KIF26B: variants seen among roughly 807,000 people sequenced by gnomAD.
The protein encoded by KIF26B is kinesin family member 26B, also known as kinesin-like protein KIF26B.
KIF26B carries 63 observed loss-of-function variants against 151.2 expected under a neutral mutation model. That is an observed-to-expected ratio of 0.42 (90% CI 0.34 to 0.51). The LOEUF is 0.51. Among genes scored for constraint, KIF26B ranks in the 20% least tolerant of loss-of-function variants. KIF26B has a pLI of 0.07. For missense variants in KIF26B, 2,813 were observed against 2,913.6 expected, an observed-to-expected ratio of 0.97 and a Z score of 0.79; for synonymous variants, 1,357 against 1,262.1, an observed-to-expected ratio of 1.08 and a Z score of -1.59.
At chr1:245,465,760 G>C (rs950524233) in intron 4 of KIF26B, among the ~76,000 whole-genome samples, 1 of 152,188 alleles carries the variant, frequency 6.6e-6, no homozygotes, top group Non-Finnish European at 1.5e-5. Flanking sequence ...CCAGCCGCTG[G>C]GGAGGCCTGA....
chr1:245,657,587 AGCTC>A (rs1258399280), intron 10 of KIF26B, among the ~76,000 whole-genome samples: 1 of 151,916 alleles, frequency 6.6e-6, no homozygotes, highest in Non-Finnish European at 1.5e-5. Context: ...TGGCCTATGG[AGCTC>A]TTCCGAATTT....
intron 3 of KIF26B, among the ~76,000 whole-genome samples, chr1:245,403,877 A>C (rs944279606): frequency 1.3e-5 from 2 of 151,358 alleles, no homozygotes; most frequent in Non-Finnish European, 2.9e-5. Context: ...CTTTCATAAT[A>C]GATAGCTTGT....
intron 2 of KIF26B, among the ~76,000 whole-genome samples, chr1:245,288,708 A>G (rs1671207256): frequency 6.6e-6 from 1 of 152,190 alleles, no homozygotes; most frequent in Non-Finnish European, 1.5e-5. Flanking sequence ...TTTGGGGAAG[A>G]AGAGCTATAC....
At chr1:245,198,335 A>G (rs1391292260) in intron 2 of KIF26B, among the ~76,000 whole-genome samples, 13 of 152,222 alleles carry the variant, frequency 8.5e-5, no homozygotes, top group African/African-American at 2.4e-5. Context: ...TCATCTGTAA[A>G]ATGGGAATGA....
chr1:245,427,006 G>T (rs967088086), intron 4 of KIF26B, among the ~76,000 whole-genome samples: 5 of 152,222 alleles, frequency 3.3e-5, no homozygotes, highest in African/African-American at 1.2e-4. Flanking sequence ...AGTCAGAGAA[G>T]GATGGGAAGG....
intron 2 of KIF26B, among the ~76,000 whole-genome samples, chr1:245,277,516 G>A (rs548415948): frequency 2.0e-5 from 3 of 152,274 alleles, no homozygotes; most frequent in East Asian, 1.9e-4. Flanking sequence ...GGGAGTGTGC[G>A]AGGTGAAGGC....
At chr1:245,317,107 G>A (rs906858928) in intron 2 of KIF26B, among the ~76,000 whole-genome samples, 6 of 152,120 alleles carry the variant, frequency 3.9e-5, no homozygotes, top group Non-Finnish European at 7.4e-5. Context: ...TTCAACAAGA[G>A]GAAAATAAAT....
chr1:245,650,158 G>C (rs1400137198), intron 10 of KIF26B, among the ~76,000 whole-genome samples: 1 of 152,180 alleles, frequency 6.6e-6, no homozygotes, highest in Non-Finnish European at 1.5e-5. Flanking sequence ...GCACTGACAG[G>C]CTGCACAAAT....
intron 2 of KIF26B, among the ~76,000 whole-genome samples, chr1:245,313,699 G>A (rs1434930018): frequency 6.6e-6 from 1 of 152,174 alleles, no homozygotes; most frequent in Admixed American, 6.5e-5. Context: ...GAAGAAAGTC[G>A]CAGTGTTTAG....
At chr1:245,354,294 T>C (rs913396566) in intron 2 of KIF26B, among the ~76,000 whole-genome samples, 2 of 152,142 alleles carry the variant, frequency 1.3e-5, no homozygotes, top group Non-Finnish European at 2.9e-5. Flanking sequence ...GTTACCATGA[T>C]GTAAATCCGG....
intron 2 of KIF26B, among the ~76,000 whole-genome samples, chr1:245,263,811 A>T (rs1180907976): frequency 6.6e-6 from 1 of 152,204 alleles, no homozygotes; most frequent in Non-Finnish European, 1.5e-5. Context: ...AGAGAAACAC[A>T]GTTAGTTAAC....
At chr1:245,201,303 G>A (rs1669296799) in intron 2 of KIF26B, among the ~76,000 whole-genome samples, 1 of 152,186 alleles carries the variant, frequency 6.6e-6, no homozygotes, top group South Asian at 2.1e-4. Flanking sequence ...ATGATATTAT[G>A]CTTGAAATAA....
intron 2 of KIF26B, among the ~76,000 whole-genome samples, chr1:245,277,597 G>A (rs890217576): frequency 5.3e-5 from 8 of 151,926 alleles, no homozygotes; most frequent in African/African-American, 1.9e-4. Context: ...TTTTTAGGGG[G>A]ATTAATATAG....
intron 5 of KIF26B, among the ~76,000 whole-genome samples, chr1:245,554,848 T>C (rs891788023): frequency 2.6e-5 from 4 of 152,174 alleles, no homozygotes; most frequent in Admixed American, 2.6e-4. Flanking sequence ...CACAATGGCA[T>C]ATGTAAAACG....
intron 4 of KIF26B, among the ~76,000 whole-genome samples, chr1:245,487,716 G>A (rs1001497868): frequency 2.7e-5 from 4 of 150,854 alleles, no homozygotes; most frequent in East Asian, 1.9e-4. Flanking sequence ...TCCTACCTAC[G>A]CCTCCCGAGT....
At chr1:245,678,880 A>T (rs1246664050) in intron 10 of KIF26B, among the ~76,000 whole-genome samples, 1 of 151,826 alleles carries the variant, frequency 6.6e-6, no homozygotes, top group Non-Finnish European at 1.5e-5. Context: ...AAAAAAAAAA[A>T]AGCAAGACAA....
intron 4 of KIF26B, among the ~76,000 whole-genome samples, chr1:245,508,264 G>A (rs991754667): frequency 4.6e-5 from 7 of 152,070 alleles, no homozygotes; most frequent in African/African-American, 1.4e-4. Flanking sequence ...TTGTTGAGAC[G>A]GAGTCTCGCT....
chr1:245,706,464 T>G lies in KIF26B; in HGVS notation c.*3858T>G, dbSNP rs1406444177. The G allele has an allele frequency of 6.6e-6, 1 of 152,192 alleles. No individual in the cohort carries two copies. The allele number at this position is 152,192 out of a possible 1,614,324, so 9.4% of individuals were successfully genotyped here. Reference sequence around the variant, plus strand: ...TGAGTGTTTTTAGGTTTTTTAGGTTTCTTATTCCAAAAAGGATTTTAGACT... The same window carrying G: ...TGAGTGTTTTTAGGTTTTTTAGGTTGCTTATTCCAAAAAGGATTTTAGACT... On this transcript the variant is annotated 3_prime_UTR_variant, in exon 15 of 15. Coordinates refer to ENST00000407071, the MANE Select transcript of KIF26B (RefSeq NM_018012.4).
intron 2 of KIF26B, among the ~76,000 whole-genome samples, chr1:245,275,527 A>G (rs1308522250): frequency 1.3e-5 from 2 of 152,212 alleles, no homozygotes; most frequent in African/African-American, 2.4e-5. Flanking sequence ...GAAGGGGTCC[A>G]GTTTCAATTT....
Sources: gnomAD v4.1 joint callset for allele counts (sites outside exome capture counted in the v4.1 genomes callset) on GRCh38, gnomAD v4.1.1 for gene constraint, MANE v1.5 for transcripts, NCBI Gene and HGNC (gene_info 2026-07-23, HGNC 2026-07-21) for gene names.